Variants in CRAMP1 observed in about 807,000 individuals in gnomAD.
CRAMP1 encodes the protein protein cramped-like.
CRAMP1 carries 50 observed loss-of-function variants against 115.4 expected under a neutral mutation model. The ratio of observed to expected loss-of-function variants is 0.43; its 90% CI spans 0.35 to 0.55. The LOEUF (loss-of-function observed/expected upper bound fraction) is 0.55. CRAMP1 is among the 20% of genes least tolerant of loss of function. The probability of loss-of-function intolerance (pLI) is 0.01; values close to 1 mark genes in which losing one functional copy is unlikely to be tolerated. For missense variants in CRAMP1, 1,679 were observed against 1,721.7 expected, an observed-to-expected ratio of 0.98 and a Z score of 0.44; for synonymous variants, 866 against 745.4, an observed-to-expected ratio of 1.16 and a Z score of -2.64.
rs1233821180 is a variant in CRAMP1 at position 1,656,497 on chromosome 16, G to C, written c.1740G>C (p.Ala580=). The change falls in exon 10 of 21, where the codon GCG becomes GCC. Residue 580 remains alanine, a synonymous_variant. Transcript: ENST00000397412. The surrounding 1 kb of genome is among the most constrained non-coding windows in gnomAD (Gnocchi z 5.6). ...TTGTCCCCGAGCAGTGCCGCTGTGC[G>C]GACACACGGCCTGGGAGCGAGCAGC... is the stretch of plus-strand genomic sequence containing the variant. ...DLIVPEQCRC[A]DTRPGSEQPP... is the part of the protein sequence containing the mutation. 6.4e-7 allele frequency: 1 copy of C among 1,572,206 alleles called. No individual in the cohort carries two copies. The highest frequency in any genetic ancestry group is 8.6e-7 in the Non-Finnish European group (1 of 1,159,670).
chr16:1,666,886 G>A lies in CRAMP1; in HGVS notation c.3036+286G>A, dbSNP rs1567462296. ...GAGAGTGACCATAACCAAGGTGGCA[G>A]CCCACAGCGCTGTGCTCGGACACCA... is the stretch of plus-strand genomic sequence containing the variant. On this transcript the variant is annotated intron_variant, in intron 16 of 20. Transcript: ENST00000397412. The surrounding 1 kb of genome is among the most constrained non-coding windows in gnomAD (Gnocchi z 5.0). Among the ~76,000 whole-genome samples, 1 of 152,248 alleles carries A rather than the reference G, an allele frequency of 6.6e-6. No individual in the cohort carries two copies. The highest frequency in any genetic ancestry group is 1.5e-5 in the Non-Finnish European group (1 of 68,044).
Position 1,666,526 on chromosome 16 carries a change from G to A in CRAMP1, c.2962G>A (p.Glu988Lys), listed in dbSNP as rs372834355. 1.6e-5 allele frequency: 26 copies of A among 1,613,844 alleles called. No individual in the cohort carries two copies. Among genetic ancestry groups the A allele is most frequent in the South Asian group, 4.4e-5 (4 of 91,084 alleles). ...TGGCATCTCTCCACTGTCTTCAGAC[G>A]AGGTGACGGGTGCCATCTCGGGGCA... The part of the protein sequence containing the change: ...LSGISPLSSD[E>K]VTGAISGQDS... Residue 988 changes from glutamate to lysine, a missense_variant, in exon 16 of 21, where the codon GAG becomes AAG. Glu to Lys is a moderately conservative substitution (Grantham distance 56). Around this residue, in one of 8 missense-constraint regions of CRAMP1, gnomAD observed 709 missense variants for 741.9 expected, o/e 0.96. Transcript: ENST00000397412. This position sits in a 1 kb window ranked among gnomAD's most constrained non-coding sequence, Gnocchi z 5.0.
chr16:1,624,176 T>C (rs554235599), intron 2 of CRAMP1, among the ~76,000 whole-genome samples: 5 of 151,530 alleles, frequency 3.3e-5, no homozygotes, highest in Admixed American at 6.6e-5. Flanking sequence ...TTTTTAAGCC[T>C]GAGTCTCACT....
chr16:1,654,236 A>G (rs1244511657), intron 8 of CRAMP1, among the ~76,000 whole-genome samples: 2 of 147,008 alleles, frequency 1.4e-5, no homozygotes, highest in Non-Finnish European at 3.0e-5. Context: ...TCCGAGATGG[A>G]GTCTTGCTCT....
In CRAMP1 at chr16:1,626,072, C is replaced by T; in HGVS notation, c.446C>T (p.Ser149Phe). ...TCCTCCTCCCGGAACTTAGGGTCTT[C>T]TGGTGGCGAGAAGGAAGAAGGCAAA... ...SRSSSRNLGSSGGEKEEGKKV... is the reference protein window; with the variant it reads ...SRSSSRNLGSFGGEKEEGKKV... Residue 149 changes from serine to phenylalanine, a missense_variant, in exon 3 of 21, where the codon TCT becomes TTT. Transcript: ENST00000397412. The T allele has an allele frequency of 2.6e-6, 4 of 1,551,524 alleles. No individual in the cohort carries two copies. Among genetic ancestry groups the T allele is most frequent in the Non-Finnish European group, 3.5e-6 (4 of 1,146,888 alleles).
chr16:1,638,772 G>A (rs544461467), intron 5 of CRAMP1, among the ~76,000 whole-genome samples: 1 of 152,096 alleles, frequency 6.6e-6, no homozygotes, highest in South Asian at 2.1e-4. Flanking sequence ...CGGAGCAGTC[G>A]CCCTGTCTGT....
chr16:1,658,938 C>T (rs1051803076), intron 10 of CRAMP1, among the ~76,000 whole-genome samples: 1 of 151,982 alleles, frequency 6.6e-6, no homozygotes, highest in Non-Finnish European at 1.5e-5. Flanking sequence ...GGGTGCTGGC[C>T]GAGTCTTCCC....
At chr16:1,642,859 A>C (rs2036643870) in intron 6 of CRAMP1, among the ~76,000 whole-genome samples, 1 of 152,238 alleles carries the variant, frequency 6.6e-6, no homozygotes, top group Non-Finnish European at 1.5e-5. Context: ...CGGTGCACAG[A>C]GTGGCCTGTC....
In CRAMP1 at chr16:1,626,145, C is replaced by T; in HGVS notation, c.519C>T (p.Thr173=). The part of the protein sequence containing the change: ...WESWSTEDKN[T]FFEGLYEHGK... ...CGTGGAGCACAGAGGACAAGAACAC[C>T]TTCTTCGAGGGGCTGTACGAGGTGA... The change falls in exon 3 of 21, where the codon ACC becomes ACT. Residue 173 remains threonine (T), a synonymous_variant. Coordinates refer to ENST00000397412, the MANE Select transcript of CRAMP1 (RefSeq NM_020825.4). 5 of 1,528,616 alleles carry T rather than the reference C, an allele frequency of 3.3e-6. No homozygotes were observed. Among genetic ancestry groups the T allele is most frequent in the Non-Finnish European group, 4.4e-6 (5 of 1,133,704 alleles). 94.7% of individuals were successfully genotyped at this position (1,528,616 alleles called of 1,614,324 possible).
chr16:1,619,018 CT>C (rs1370577055), intron 2 of CRAMP1, among the ~76,000 whole-genome samples: 1 of 152,180 alleles, frequency 6.6e-6, no homozygotes, highest in Non-Finnish European at 1.5e-5. Context: ...ATGAGGTAGA[CT>C]TTTCGATTTT....
intron 1 of CRAMP1, among the ~76,000 whole-genome samples, chr16:1,613,009 C>T (rs749337069): frequency 6.6e-6 from 1 of 152,126 alleles, no homozygotes; most frequent in Non-Finnish European, 1.5e-5. Context: ...GGGTGTGGAG[C>T]CCGGCGAGCG....
rs2036638021 is a variant in CRAMP1 at position 1,642,180 on chromosome 16, C to T, written c.827+993C>T. On this transcript the variant is annotated intron_variant, in intron 6 of 20. Coordinates refer to ENST00000397412, the MANE Select transcript of CRAMP1 (RefSeq NM_020825.4). The stretch of plus-strand genomic sequence containing the variant: ...CCCTTGCAGCCACTCCTGAACAGTC[C>T]TTACCCATCTCTCTTCCGTCCATAG... 2.0e-5 allele frequency among the ~76,000 whole-genome samples: 3 copies of T among 152,244 alleles called. No individual in the cohort carries two copies. The South Asian group carries it at 6.2e-4, about 31-fold the overall frequency.
Position 1,637,886 on chromosome 16 carries a change from C to A in CRAMP1, c.757C>A (p.Leu253Met). The A allele has an allele frequency of 6.4e-7, 1 of 1,557,284 alleles. No individual in the cohort carries two copies. The highest frequency in any genetic ancestry group is 1.9e-5 in the Admixed American group (1 of 51,590). ...GTATGGCCTGATCTGCTATGGCGAG[C>A]TGCGCAAGAAGATTGGGGGCTGTGA... Reference protein sequence around the residue: ...ELYGLICYGELRKKIGGCMDD... With the variant: ...ELYGLICYGEMRKKIGGCMDD... Residue 253 changes from leucine to methionine, a missense_variant, in exon 5 of 21, where the codon CTG (leucine) becomes ATG (methionine). Physicochemically the swap from Leu to Met is conservative, Grantham distance 15 (BLOSUM62 2). Around this residue, in one of 8 missense-constraint regions of CRAMP1, gnomAD observed 42 missense variants for 42.3 expected, o/e 0.99. Coordinates refer to ENST00000397412, the MANE Select transcript of CRAMP1 (RefSeq NM_020825.4).
chr16:1,650,637 T>C (rs1290301110), intron 6 of CRAMP1, among the ~76,000 whole-genome samples: 1 of 152,234 alleles, frequency 6.6e-6, no homozygotes, highest in African/African-American at 2.4e-5. Context: ...CAAATATAGA[T>C]ACATATAGAG....
rs146263308 is a variant in CRAMP1, at chr16:1,660,859, C to T, written c.2413+796C>T. 1.4e-3 allele frequency among the ~76,000 whole-genome samples: 220 copies of T among 152,180 alleles called. 1 individual carries two copies. Among genetic ancestry groups the T allele is most frequent in the African/African-American group, 4.9e-3 (203 of 41,510 alleles). ...CTGTCTCTACTAAAAATACAAAAAACTAGTCTGACGTGGTGGTGCGCGCCT... is the reference window on the plus strand; with the variant it reads ...CTGTCTCTACTAAAAATACAAAAAATTAGTCTGACGTGGTGGTGCGCGCCT... On this transcript the variant is annotated intron_variant, in intron 11 of 20. Coordinates refer to ENST00000397412, the MANE Select transcript of CRAMP1 (RefSeq NM_020825.4).
intron 2 of CRAMP1, among the ~76,000 whole-genome samples, chr16:1,621,641 C>T (rs2036466846): frequency 6.6e-6 from 1 of 152,184 alleles, no homozygotes. Context: ...CCGTGGGACC[C>T]TGTGCTGTCA....
Position 1,668,982 on chromosome 16 carries a change from C to G in CRAMP1, c.3335-19C>G, listed in dbSNP as rs1384298555. The G allele has an allele frequency of 6.2e-7, 1 of 1,612,674 alleles. No individual in the cohort carries two copies. The highest frequency in any genetic ancestry group is 1.1e-5 in the South Asian group (1 of 90,804). Reference sequence around the variant, plus strand: ...CACCCCGCAACAAGGCGTTTCTGATCTGGGATCTTGGTTGGCAGGTGAAGG... The same window carrying G: ...CACCCCGCAACAAGGCGTTTCTGATGTGGGATCTTGGTTGGCAGGTGAAGG... On this transcript the variant is annotated intron_variant, in intron 18 of 20. Coordinates refer to ENST00000397412, the MANE Select transcript of CRAMP1 (RefSeq NM_020825.4).
At chr16:1,636,071 T>A (rs1481103934) in intron 4 of CRAMP1, among the ~76,000 whole-genome samples, 1 of 152,168 alleles carries the variant, frequency 6.6e-6, no homozygotes, top group Non-Finnish European at 1.5e-5. Flanking sequence ...CATGGGCTCC[T>A]TTAAGAAAGT....
intron 17 of CRAMP1, 136 bp downstream of exon 17, chr16:1,667,536 T>C: frequency 1.4e-6 from 1 of 708,800 alleles, no homozygotes; most frequent in South Asian, 1.6e-5. Flanking sequence ...TTCTTCCACC[T>C]GCTGTGCCGA....
Sources: allele counts gnomAD v4.1 joint callset (sites outside exome capture counted in the v4.1 genomes callset), GRCh38; gene constraint gnomAD v4.1.1; regional missense constraint gnomAD v4.1.1; non-coding constraint Gnocchi (gnomAD v3.1); transcripts MANE v1.5; gene names NCBI Gene and HGNC (gene_info 2026-07-23, HGNC 2026-07-21).